ACSL3: variants seen among roughly 807,000 people sequenced by gnomAD.
ACSL3 encodes acyl-CoA synthetase long chain family member 3.
Under a neutral mutation model 84.7 loss-of-function variants are expected in ACSL3, and 34 were observed. That is an observed-to-expected ratio of 0.40 (90% confidence interval 0.31 to 0.53). The LOEUF (loss-of-function observed/expected upper bound fraction) is 0.53, where lower values mean the gene tolerates loss of function less well. Among genes scored for constraint, ACSL3 ranks in the 20% least tolerant of loss-of-function variants. The pLI is 0.48. For synonymous variants in ACSL3, 315 were observed against 299.4 expected, an observed-to-expected ratio of 1.05 and a Z score of -0.54; for missense variants, 680 against 873.1, an observed-to-expected ratio of 0.78 and a Z score of 2.79.
At chr2:222,886,003 A>T (rs989544689) in intron 1 of ACSL3, among the ~76,000 whole-genome samples, 6 of 152,106 alleles carry the variant, frequency 3.9e-5, no homozygotes, top group African/African-American at 1.4e-4. Flanking sequence ...TCAGCCTCCC[A>T]AAGTGTTGGG....
chr2:222,894,767 T>C (rs1453456570), intron 2 of ACSL3, among the ~76,000 whole-genome samples: 1 of 152,226 alleles, frequency 6.6e-6, no homozygotes, highest in Non-Finnish European at 1.5e-5. Context: ...CAAGGTATCA[T>C]AGAAGTTCTT....
chr2:222,940,402 T>C (rs1176468135), intron 16 of ACSL3, among the ~76,000 whole-genome samples: 3 of 152,174 alleles, frequency 2.0e-5, no homozygotes. Context: ...GGTGTGGAGT[T>C]TATAGCTTGG....
intron 2 of ACSL3, among the ~76,000 whole-genome samples, chr2:222,894,447 T>G (rs1288307908): frequency 6.6e-6 from 1 of 152,260 alleles, no homozygotes; most frequent in Admixed American, 6.5e-5. Flanking sequence ...ATTTCAAGTG[T>G]TTGAACCTAG....
chr2:222,928,278 A>T (rs1363875673), intron 12 of ACSL3, among the ~76,000 whole-genome samples: 1 of 152,242 alleles, frequency 6.6e-6, no homozygotes, highest in Admixed American at 6.5e-5. Context: ...GCATAAGCTG[A>T]TGGAAGCCTG....
At chr2:222,928,512 C>T (rs528966040) in intron 12 of ACSL3, among the ~76,000 whole-genome samples, 3 of 152,146 alleles carry the variant, frequency 2.0e-5, no homozygotes, top group Non-Finnish European at 2.9e-5. Flanking sequence ...AGGATTGATT[C>T]TGAGGGAACA....
At chr2:222,890,634 A>G (rs1695823732) in intron 2 of ACSL3, among the ~76,000 whole-genome samples, 1 of 151,106 alleles carries the variant, frequency 6.6e-6, no homozygotes, top group South Asian at 2.1e-4. Context: ...AGGTGGGTAG[A>G]TTTGTTTGTT....
chr2:222,914,815 A>G (rs185374513), intron 4 of ACSL3, among the ~76,000 whole-genome samples: 1 of 152,372 alleles, frequency 6.6e-6, no homozygotes, highest in East Asian at 1.9e-4. Context: ...TAGAGTGGGT[A>G]GTGTCCTCTA....
intron 4 of ACSL3, among the ~76,000 whole-genome samples, chr2:222,909,902 G>A (rs1446331433): frequency 7.3e-6 from 1 of 137,236 alleles, no homozygotes; most frequent in Non-Finnish European, 1.6e-5. Context: ...ACAGATGACA[G>A]CACTGAGGCA....
chr2:222,874,303 G>T (rs1170696910), intron 1 of ACSL3, among the ~76,000 whole-genome samples: 2 of 152,206 alleles, frequency 1.3e-5, no homozygotes, highest in African/African-American at 4.8e-5. Context: ...GGGATTACAG[G>T]CGTGGGCCAC....
chr2:222,909,792 C>T lies in ACSL3; in HGVS notation c.378+642C>T, dbSNP rs150290220. The T allele has an allele frequency of 3.9e-3, 587 of 152,402 alleles. 2 individuals carry two copies. Among genetic ancestry groups the T allele is most frequent in the Middle Eastern group, 0.02 (6 of 294 alleles). 9.4% of individuals were successfully genotyped at this position (152,402 alleles called of 1,614,324 possible). A position where few individuals can be genotyped will look rare whatever the true frequency, so the allele number is the denominator to read the frequency against. On this transcript the variant is annotated intron_variant, in intron 4 of 16. Transcript: ENST00000357430. ...TTTTCTGTAATATGAAGATAATGAT[C>T]ATTACTGACACTCAAGAGCCAAGCT...
Position 222,931,508 on chromosome 2 carries a change from A to G in ACSL3, c.1732+696A>G, listed in dbSNP as rs143539668. Among the ~76,000 whole-genome samples, 1,031 of 152,078 alleles carry G rather than the reference A, an allele frequency of 6.8e-3. 11 individuals carry two copies. Among genetic ancestry groups the G allele is most frequent in the South Asian group, 0.047 (226 of 4,806 alleles). On this transcript the variant is annotated intron_variant, in intron 14 of 16. Coordinates refer to ENST00000357430, the MANE Select transcript of ACSL3 (RefSeq NM_004457.5). ...GACTGTTCTCTTCAGTCAGCTTCCC[A>G]TGCCTATTTTATATCCCACTAGTTT...
At chr2:222,914,868 G>A (rs1171444747) in intron 4 of ACSL3, among the ~76,000 whole-genome samples, 1 of 152,074 alleles carries the variant, frequency 6.6e-6, no homozygotes, top group Non-Finnish European at 1.5e-5. Context: ...ATGATTCAGT[G>A]GTTTAAAGAA....
rs2106108413 is a variant in ACSL3, at chr2:222,897,704, G to A, written c.-147-2970G>A. Among the ~76,000 whole-genome samples, 2 of 40,512 alleles carry A rather than the reference G, an allele frequency of 4.9e-5. 1 individual carries two copies. The highest frequency in any genetic ancestry group is 3.8e-4 in the African/African-American group (2 of 5,196). The allele number at this position is 40,512 out of a possible 152,430, so 26.6% of individuals were successfully genotyped here. A position where few individuals can be genotyped will look rare whatever the true frequency, so the allele number is the denominator to read the frequency against. ...GGAGGCCGAGGCTGGCGGATCACTC[G>A]CGGTTAGGAGCTGGAGACCGGCCCG... is the stretch of plus-strand genomic sequence containing the variant. On this transcript the variant is annotated intron_variant, in intron 2 of 16. Coordinates refer to ENST00000357430, the MANE Select transcript of ACSL3 (RefSeq NM_004457.5).
At chr2:222,937,789 C>A (rs147017054) in intron 16 of ACSL3, among the ~76,000 whole-genome samples, 255 of 152,218 alleles carry the variant, frequency 1.7e-3, no homozygotes, top group Non-Finnish European at 3.1e-3. Context: ...ATTTACATTT[C>A]AGGTCATTAT....
At chr2:222,929,397 T>C (rs1164380884) in intron 13 of ACSL3, among the ~76,000 whole-genome samples, 1 of 152,202 alleles carries the variant, frequency 6.6e-6, no homozygotes, top group Non-Finnish European at 1.5e-5. Flanking sequence ...CCATTTAAAA[T>C]AATGGTCACT....
chr2:222,872,893 C>T (rs1695341312), intron 1 of ACSL3, among the ~76,000 whole-genome samples: 1 of 151,898 alleles, frequency 6.6e-6, no homozygotes, highest in Non-Finnish European at 1.5e-5. Context: ...ACAAGAAGGG[C>T]AGGAGTTTGT....
chr2:222,919,341 A>G, intron 7 of ACSL3, 139 bp downstream of exon 7: 2 of 861,122 alleles, frequency 2.3e-6, no homozygotes, highest in Non-Finnish European at 3.4e-6. Flanking sequence ...AGGTCCCTCT[A>G]GGTATACTTT....
chr2:222,912,939 A>G (rs1696483629), intron 4 of ACSL3, among the ~76,000 whole-genome samples: 1 of 152,244 alleles, frequency 6.6e-6, no homozygotes, highest in Admixed American at 6.5e-5. Context: ...TCCCAGCAGT[A>G]AATGCATTGC....
At chr2:222,912,252 A>G (rs1020845861) in intron 4 of ACSL3, among the ~76,000 whole-genome samples, 3 of 152,226 alleles carry the variant, frequency 2.0e-5, no homozygotes, top group African/African-American at 7.2e-5. Flanking sequence ...CAGCTGTGGC[A>G]GTGATCTGCA....
Sources: gnomAD v4.1 joint callset for allele counts (sites outside exome capture counted in the v4.1 genomes callset) on GRCh38, gnomAD v4.1.1 for gene constraint, MANE v1.5 for transcripts, NCBI Gene and HGNC (gene_info 2026-07-23, HGNC 2026-07-21) for gene names.